The following OR1J2 variants were observed in gnomAD, a reference collection of about 807,000 sequenced individuals.
The protein encoded by OR1J2 is olfactory receptor 1J2.
For missense variants in OR1J2, 304 were observed against 246.1 expected, an observed-to-expected ratio of 1.24 and a Z score of -1.57; for synonymous variants, 142 against 99.7, an observed-to-expected ratio of 1.42 and a Z score of -2.52.
chr9:122,580,006 C>T, the OR1J2 span, among the ~76,000 whole-genome samples: 10 of 152,114 alleles, frequency 6.6e-5, no homozygotes, highest in African/African-American at 2.4e-4. Context: ...AAGAGCTTAT[C>T]GGTGCAACTG....
chr9:122,452,766 C>T, the OR1J2 span, among the ~76,000 whole-genome samples: 11 of 152,034 alleles, frequency 7.2e-5, no homozygotes, highest in African/African-American at 2.4e-4. Flanking sequence ...CAGTGGCTCA[C>T]GCCTGTAATC....
the OR1J2 span, among the ~76,000 whole-genome samples, chr9:122,547,074 AT>A: frequency 2.3e-4 from 35 of 151,858 alleles, no homozygotes; most frequent in African/African-American, 6.8e-4. Flanking sequence ...ATCAAAAATA[AT>A]TTTTTTAAAA....
chr9:122,511,826 G>T (rs111242600), downstream of OR1J2: 305 of 724,136 alleles, frequency 4.2e-4, 1 homozygote, highest in African/African-American at 4.3e-3. Flanking sequence ...CTCAAAACAT[G>T]TTATGTCCTG....
At chr9:122,564,297 G>C in the OR1J2 span, among the ~76,000 whole-genome samples, 3 of 152,276 alleles carry the variant, frequency 2.0e-5, no homozygotes, top group East Asian at 5.8e-4. Flanking sequence ...CTGTGGTTAT[G>C]TCCCCAGTGC....
the OR1J2 span, among the ~76,000 whole-genome samples, chr9:122,471,585 G>T: frequency 0.33 from 49,755 of 152,062 alleles, 9,418 homozygotes; most frequent in Non-Finnish European, 0.44. Context: ...ACCCTTATGC[G>T]TAAGAATTAT....
At chr9:122,541,179 A>G in the OR1J2 span, among the ~76,000 whole-genome samples, 1 of 152,194 alleles carries the variant, frequency 6.6e-6, no homozygotes, top group Non-Finnish European at 1.5e-5. Context: ...TGTTAAATAA[A>G]GTCTTCCTTG....
chr9:122,510,670 C>T, upstream of OR1J2: 1 of 594,040 alleles, frequency 1.7e-6, no homozygotes, highest in Non-Finnish European at 3.0e-6. Context: ...CCCGATAGGC[C>T]CCAGTGTGTG....
At chr9:122,457,526 G>A in the OR1J2 span, among the ~76,000 whole-genome samples, 3 of 151,340 alleles carry the variant, frequency 2.0e-5, no homozygotes, top group Middle Eastern at 3.2e-3. Context: ...TAAAAATTAC[G>A]AGGTGTGCAA....
the OR1J2 span, among the ~76,000 whole-genome samples, chr9:122,484,011 A>G: frequency 6.6e-6 from 1 of 151,920 alleles, no homozygotes; most frequent in African/African-American, 2.4e-5. Flanking sequence ...ATATATCAGT[A>G]ATATATATAT....
upstream of OR1J2, among the ~76,000 whole-genome samples, chr9:122,506,743 CAG>C (rs1252951707): frequency 6.6e-6 from 1 of 151,634 alleles, no homozygotes; most frequent in Non-Finnish European, 1.5e-5. Flanking sequence ...CACAGAGAGA[CAG>C]AGGAAGAGAG....
At chr9:122,484,157 T>G in the OR1J2 span, among the ~76,000 whole-genome samples, 5,810 of 152,172 alleles carry the variant, frequency 0.038, 121 homozygotes, top group Middle Eastern at 0.089. Context: ...TTACTATTTT[T>G]GGGGGTTTTT....
the OR1J2 span, among the ~76,000 whole-genome samples, chr9:122,480,134 A>G: frequency 1.3e-5 from 2 of 152,226 alleles, no homozygotes; most frequent in South Asian, 2.1e-4. Context: ...GGGATTCACT[A>G]TAACATATCA....
the OR1J2 span, chr9:122,568,083 T>G: frequency 6.2e-7 from 1 of 1,613,728 alleles, no homozygotes; most frequent in Non-Finnish European, 8.5e-7. Context: ...GGTGACATAG[T>G]GGAAAGGGTC....
chr9:122,517,313 A>T, the OR1J2 span, among the ~76,000 whole-genome samples: 3 of 152,228 alleles, frequency 2.0e-5, no homozygotes, highest in Non-Finnish European at 4.4e-5. Flanking sequence ...TGGAGTGAGC[A>T]GGTGCAGCCG....
chr9:122,510,120 C>T (rs1039533938), upstream of OR1J2, among the ~76,000 whole-genome samples: 4 of 152,074 alleles, frequency 2.6e-5, no homozygotes, highest in African/African-American at 7.2e-5. Flanking sequence ...CAAACCTGCA[C>T]GTCCTGCACA....
At position 122,511,586 on chromosome 9, in the gene OR1J2, C is replaced by G. The variant is rs137903636; in HGVS notation, c.785C>G (p.Pro262Arg). 29 of 780,906 alleles carry G rather than the reference C, an allele frequency of 3.7e-5. No individual in the cohort carries two copies. The highest frequency in any genetic ancestry group is 3.6e-4 in the African/African-American group (21 of 59,112). The allele number at this position is 780,906 out of a possible 1,614,324, so 48.4% of individuals were successfully genotyped here. A position where few individuals can be genotyped will look rare whatever the true frequency, so the allele number is the denominator to read the frequency against. The change falls in exon 1 of 1, where the codon CCG becomes CGG. Residue 262 changes from proline (P) to arginine (R), a missense_variant. Transcript: ENST00000335302. ...TCAATATTTGGCCAGTACCTTTTCC[C>G]GACTGTAAGCAGTTCTATTGACAAG... ...YGSIFGQYLF[P>R]TVSSSIDKDV...
chr9:122,458,468 G>A, the OR1J2 span, among the ~76,000 whole-genome samples: 260 of 152,322 alleles, frequency 1.7e-3, 1 homozygote, highest in African/African-American at 6.2e-3. Flanking sequence ...AGAAAAAAAG[G>A]TTTAATTGAC....
the OR1J2 span, among the ~76,000 whole-genome samples, chr9:122,491,734 A>G: frequency 0.88 from 134,676 of 152,204 alleles, 59,909 homozygotes; most frequent in East Asian, 1. Flanking sequence ...AACAGGATGT[A>G]CACATGGTGG....
chr9:122,470,408 C>T, the OR1J2 span, among the ~76,000 whole-genome samples: 1 of 152,196 alleles, frequency 6.6e-6, no homozygotes, highest in Non-Finnish European at 1.5e-5. Context: ...AGGTTGGGAA[C>T]CTCTGCCTAG....
Sources: gnomAD v4.1 joint callset for allele counts (sites outside exome capture counted in the v4.1 genomes callset) on GRCh38, gnomAD v4.1.1 for gene constraint, MANE v1.5 for transcripts, NCBI Gene and HGNC (gene_info 2026-07-23, HGNC 2026-07-21) for gene names.